PCDHA6: variants seen among roughly 807,000 people sequenced by gnomAD.
PCDHA6 encodes protocadherin alpha-6.
In PCDHA6, 55 loss-of-function variants were observed where a neutral mutation model predicts 60.3. That is an observed-to-expected ratio of 0.91 (90% CI 0.73 to 1.14). PCDHA6 has a LOEUF of 1.14. Among genes scored for constraint, PCDHA6 ranks in the 50% most tolerant of loss-of-function variants. PCDHA6 has a pLI of 0.00. For missense variants in PCDHA6, 1,327 were observed against 1,256.5 expected, an observed-to-expected ratio of 1.06 and a Z score of -0.85; for synonymous variants, 652 against 557.9, an observed-to-expected ratio of 1.17 and a Z score of -2.38.
chr5:140,852,930 G>A (rs1581296305), intron 1 of PCDHA6: 1 of 621,568 alleles, frequency 1.6e-6, no homozygotes, highest in East Asian at 1.3e-4. Context: ...CCAGGCTGGA[G>A]TGCAGTGGTG....
At chr5:140,922,825 C>T (rs1554200979) in intron 1 of PCDHA6, among the ~76,000 whole-genome samples, 1 of 152,178 alleles carries the variant, frequency 6.6e-6, no homozygotes, top group Non-Finnish European at 1.5e-5. Context: ...CAGCATACTG[C>T]TAATAGATGT....
At chr5:140,958,597 G>A (rs551005076) in intron 1 of PCDHA6, among the ~76,000 whole-genome samples, 60 of 152,170 alleles carry the variant, frequency 3.9e-4, no homozygotes, top group African/African-American at 1.4e-3. Context: ...ATGATAATTG[G>A]ATCAAAGGAA....
intron 1 of PCDHA6, among the ~76,000 whole-genome samples, chr5:140,941,221 TTC>T (rs1217645089): frequency 7.6e-6 from 1 of 131,640 alleles, no homozygotes; most frequent in African/African-American, 3.0e-5. Flanking sequence ...CTTCCTTTCT[TTC>T]TTTCTTTCTT....
At chr5:140,891,494 C>T (rs548491891) in intron 1 of PCDHA6, among the ~76,000 whole-genome samples, 1 of 151,678 alleles carries the variant, frequency 6.6e-6, no homozygotes, top group South Asian at 2.1e-4. Flanking sequence ...TGAGCATATC[C>T]TCAGCTATAA....
intron 1 of PCDHA6, chr5:140,884,272 G>A (rs1554181402): frequency 6.2e-7 from 1 of 1,613,574 alleles, no homozygotes; most frequent in South Asian, 1.1e-5. Flanking sequence ...TGCTGTTGTC[G>A]CTGGTGGAGA....
chr5:140,865,891 G>T (rs2153226953), intron 1 of PCDHA6: 1 of 152,240 alleles, frequency 6.6e-6, no homozygotes, highest in African/African-American at 2.4e-5. Context: ...AGCACAAATT[G>T]TGTACAGGCA....
intron 1 of PCDHA6, chr5:140,857,029 A>G: frequency 1.3e-6 from 2 of 1,596,504 alleles, no homozygotes; most frequent in Non-Finnish European, 1.7e-6. Context: ...AGGGAAACCC[A>G]CCTATGGTTG....
At chr5:140,950,517 A>G (rs1210598995) in intron 1 of PCDHA6, among the ~76,000 whole-genome samples, 1 of 152,012 alleles carries the variant, frequency 6.6e-6, no homozygotes, top group African/African-American at 2.4e-5. Flanking sequence ...CCTGTGTGCG[A>G]TATGATTGTT....
intron 1 of PCDHA6, chr5:140,851,502 T>C (rs1581260413): frequency 6.6e-6 from 6 of 903,186 alleles, no homozygotes; most frequent in Middle Eastern, 1.2e-3. Context: ...TTTCAACTTA[T>C]ATAAAATATG....
intron 1 of PCDHA6, chr5:140,883,740 C>A: frequency 6.2e-7 from 1 of 1,613,368 alleles, no homozygotes; most frequent in Non-Finnish European, 8.5e-7. Context: ...GCGCTGGTCT[C>A]CTACTCGCTG....
chr5:140,969,069 T>G, intron 1 of PCDHA6: 1 of 1,614,160 alleles, frequency 6.2e-7, no homozygotes, highest in Non-Finnish European at 8.5e-7. Flanking sequence ...GATGCCAGGA[T>G]ACCGCATGGC....
Position 140,928,034 on chromosome 5 carries a change from G to T in PCDHA6, c.2395-50915G>T. 3 of 1,614,206 alleles carry T rather than the reference G, an allele frequency of 1.9e-6. No homozygotes were observed. Among genetic ancestry groups the T allele is most frequent in the Non-Finnish European group, 2.5e-6 (3 of 1,180,036 alleles). Reference sequence around the variant, plus strand: ...GGTAGGGTCATTTGTGGCATGTCTAGTGCAGGCCCTTTTCAGCTGACGGCT... The same window carrying T: ...GGTAGGGTCATTTGTGGCATGTCTATTGCAGGCCCTTTTCAGCTGACGGCT... On this transcript the variant is annotated intron_variant, in intron 1 of 3. Transcript: ENST00000529310.
rs2098420803 is a variant in PCDHA6, at chr5:141,011,492, A to G, written c.*1555A>G. 1 of 153,698 alleles carries G rather than the reference A, an allele frequency of 6.5e-6. No individual in the cohort carries two copies. Among genetic ancestry groups the G allele is most frequent in the African/African-American group, 2.4e-5 (1 of 41,432 alleles). 9.5% of individuals were successfully genotyped at this position (153,698 alleles called of 1,614,324 possible). A position where few individuals can be genotyped will look rare whatever the true frequency, so the allele number is the denominator to read the frequency against. On this transcript the variant is annotated 3_prime_UTR_variant, in exon 4 of 4. Transcript: ENST00000529310. ...AATTCCATTATATTTCCTTTTGTAC[A>G]CCTGTGAAAAAGTGGAGTAGTGTTT... is the stretch of plus-strand genomic sequence containing the variant.
At chr5:140,966,198 T>C in intron 1 of PCDHA6, 1 of 214,428 alleles carries the variant, frequency 4.7e-6, no homozygotes, top group Non-Finnish European at 9.1e-6. Context: ...TTCTAGGGGC[T>C]TGACTGCTTT....
chr5:140,924,102 T>C (rs1227932285), intron 1 of PCDHA6, among the ~76,000 whole-genome samples: 1 of 152,242 alleles, frequency 6.6e-6, no homozygotes. Context: ...TAAATTTTCA[T>C]TCCAAAGCAG....
intron 1 of PCDHA6, chr5:140,875,980 T>A: frequency 6.2e-7 from 1 of 1,614,062 alleles, no homozygotes; most frequent in East Asian, 2.2e-5. Context: ...TCTTTTGACC[T>A]ATGCGTTAAG....
chr5:140,836,580 A>G (rs782817140), intron 1 of PCDHA6: 1 of 1,613,664 alleles, frequency 6.2e-7, no homozygotes, highest in East Asian at 2.2e-5. Flanking sequence ...GGGCGCATGT[A>G]GTTTGGTAAA....
At chr5:140,985,047 C>T (rs1417890181) in intron 3 of PCDHA6, among the ~76,000 whole-genome samples, 5 of 152,076 alleles carry the variant, frequency 3.3e-5, no homozygotes, top group African/African-American at 9.7e-5. Context: ...AAGTGATTCT[C>T]CTGCCTCAGC....
intron 3 of PCDHA6, among the ~76,000 whole-genome samples, chr5:140,990,782 C>T (rs1460964532): frequency 2.0e-5 from 3 of 152,120 alleles, no homozygotes; most frequent in Non-Finnish European, 1.5e-5. Context: ...CTGTGTTGGA[C>T]GATGAACCAT....
Sources: allele counts gnomAD v4.1 joint callset (sites outside exome capture counted in the v4.1 genomes callset), GRCh38; gene constraint gnomAD v4.1.1; transcripts MANE v1.5; gene names NCBI Gene and HGNC (gene_info 2026-07-23, HGNC 2026-07-21).